NPHP1: variants seen among roughly 807,000 people sequenced by gnomAD.
The protein encoded by NPHP1 is nephrocystin 1, also known as nephrocystin-1.
In NPHP1, 70 loss-of-function variants were observed where a neutral mutation model predicts 90.4. The observed-to-expected ratio is 0.77, with a 90% CI of 0.64 to 0.95. NPHP1 has a LOEUF of 0.95. NPHP1 is among the 40% of genes least tolerant of loss of function. NPHP1 has a pLI of 0.00. For synonymous variants in NPHP1, 256 were observed against 271.7 expected (o/e 0.94, Z 0.57); for missense variants, 764 against 795.9 (o/e 0.96, Z 0.48).
rs764792393 is a variant in NPHP1, at chr2:110,168,475, G to A, written c.601C>T (p.Leu201Phe). The A allele has an allele frequency of 6.2e-7, 1 of 1,611,652 alleles. No homozygotes were observed. The highest frequency in any genetic ancestry group is 1.1e-5 in the South Asian group (1 of 91,006). Reference sequence around the variant, plus strand: ...ACCTCTAGGTAGGTTCTGGGAACAAGACCTTCATTTCCTTTGGCATCCTTA... The same window carrying A: ...ACCTCTAGGTAGGTTCTGGGAACAAAACCTTCATTTCCTTTGGCATCCTTA... ...IAKDAKGNEG[L>F]VPRTYLEPYS... The change falls in exon 6 of 20, where the codon CTT becomes TTT. Residue 201 changes from leucine to phenylalanine, a missense_variant. Physicochemically the swap from Leu to Phe is conservative, Grantham distance 22. Coordinates refer to ENST00000445609, the MANE Select transcript of NPHP1 (RefSeq NM_001128178.3).
chr2:110,183,547 T>C (rs546232632), intron 2 of NPHP1, among the ~76,000 whole-genome samples: 3 of 152,228 alleles, frequency 2.0e-5, no homozygotes, highest in Admixed American at 6.5e-5. Flanking sequence ...AGACCCCTGA[T>C]TTCCCACTCC....
chr2:110,150,224 T>G lies in NPHP1; in HGVS notation c.1116A>C (p.Thr372=). Residue 372 remains threonine (T), a synonymous_variant, in exon 12 of 20, where the codon ACA becomes ACC. Transcript: ENST00000445609. ...ATGTTTTGGGCTTTTTAGGTTGCCA[T>G]GTGGCTCTGACTGTATGAATGTTGC... The part of the protein sequence containing the change: ...VLSNIHTVRA[T]WQPKKPKTWT... 6.2e-7 allele frequency: 1 copy of G among 1,614,026 alleles called. No homozygotes were observed. The highest frequency in any genetic ancestry group is 8.5e-7 in the Non-Finnish European group (1 of 1,179,896).
intron 2 of NPHP1, among the ~76,000 whole-genome samples, chr2:110,188,160 G>C (rs1024351061): frequency 2.0e-5 from 3 of 152,098 alleles, no homozygotes; most frequent in African/African-American, 7.2e-5. Context: ...TGGAAGTTCT[G>C]GCCTGGGAAG....
intron 11 of NPHP1, among the ~76,000 whole-genome samples, chr2:110,154,549 A>T (rs980708219): frequency 7.9e-5 from 12 of 152,192 alleles, no homozygotes; most frequent in African/African-American, 2.9e-4. Context: ...CTTTTTGACA[A>T]AAATGCTGAT....
intron 16 of NPHP1, among the ~76,000 whole-genome samples, chr2:110,134,360 T>C (rs1680008222): frequency 6.6e-6 from 1 of 151,896 alleles, no homozygotes; most frequent in Non-Finnish European, 1.5e-5. Flanking sequence ...AATCTCCTGA[T>C]AAAGAAAAGC....
At chr2:110,126,767 GCTA>G (rs1023389500) in intron 18 of NPHP1, 6 of 152,678 alleles carry the variant, frequency 3.9e-5, no homozygotes, top group African/African-American at 1.4e-4. Flanking sequence ...TGTGGTTTTT[GCTA>G]CTACTTTTAT....
intron 16 of NPHP1, among the ~76,000 whole-genome samples, chr2:110,135,464 G>A (rs1165471480): frequency 2.7e-5 from 3 of 110,858 alleles, no homozygotes; most frequent in Non-Finnish European, 5.0e-5. Context: ...GAGACACAGC[G>A]AGACCCCGTC....
intron 4 of NPHP1, among the ~76,000 whole-genome samples, chr2:110,176,758 T>C (rs1307843403): frequency 6.6e-6 from 1 of 152,178 alleles, no homozygotes; most frequent in Non-Finnish European, 1.5e-5. Flanking sequence ...TGTCCTCTAC[T>C]AAATGCCTGA....
At chr2:110,191,522 G>C (rs891133316) in intron 2 of NPHP1, among the ~76,000 whole-genome samples, 1 of 152,144 alleles carries the variant, frequency 6.6e-6, no homozygotes, top group Non-Finnish European at 1.5e-5. Context: ...GCTCAAACTG[G>C]GTGGAGCCCA....
At chr2:110,196,851 G>C (rs1280941479) in intron 2 of NPHP1, among the ~76,000 whole-genome samples, 1 of 152,142 alleles carries the variant, frequency 6.6e-6, no homozygotes, top group Non-Finnish European at 1.5e-5. Context: ...CATGTCCTTT[G>C]AAGGGACATG....
chr2:110,198,193 A>G (rs1310126205), intron 2 of NPHP1, among the ~76,000 whole-genome samples: 1 of 152,146 alleles, frequency 6.6e-6, no homozygotes, highest in East Asian at 1.9e-4. Flanking sequence ...CACAAGCATA[A>G]GAGGGAGATA....
intron 2 of NPHP1, among the ~76,000 whole-genome samples, chr2:110,199,192 G>C (rs1685392529): frequency 6.6e-6 from 1 of 152,072 alleles, no homozygotes; most frequent in African/African-American, 2.4e-5. Flanking sequence ...CAGCACTTTG[G>C]GAGGCCATGA....
intron 6 of NPHP1, 138 bp downstream of exon 6, chr2:110,168,314 C>T (rs1287250330): frequency 1.4e-5 from 9 of 665,272 alleles, no homozygotes; most frequent in African/African-American, 5.5e-5. Flanking sequence ...TTTCCCAGGT[C>T]CTGTCCCTCC....
At chr2:110,170,742 G>A (rs762404438) in intron 4 of NPHP1, among the ~76,000 whole-genome samples, 17 of 152,130 alleles carry the variant, frequency 1.1e-4, no homozygotes, top group Non-Finnish European at 2.2e-4. Flanking sequence ...CCTAACCCAG[G>A]TTGCACGAAT....
rs765856771 is a variant in NPHP1 at position 110,163,040 on chromosome 2, C to A, written c.859+8G>T. Reference sequence around the variant, plus strand: ...GAAAGAGTGCAGTGGCTGATAGGCACGCATTACCTTCCTCCAGAAGCTGTG... The same window carrying A: ...GAAAGAGTGCAGTGGCTGATAGGCAAGCATTACCTTCCTCCAGAAGCTGTG... On this transcript the variant is annotated splice_region_variant and intron_variant, in intron 9 of 19. Transcript: ENST00000445609. 6.2e-7 allele frequency: 1 copy of A among 1,603,030 alleles called. No homozygotes were observed.
In NPHP1 at chr2:110,168,424, G is replaced by A. The variant is rs761797397; in HGVS notation, c.624+28C>T. 22 of 1,374,060 alleles carry A rather than the reference G, an allele frequency of 1.6e-5. No homozygotes were observed. In the East Asian group the frequency reaches 4.4e-4, roughly 27 times the overall value. 85.1% of individuals were successfully genotyped at this position (1,374,060 alleles called of 1,614,324 possible). ...AAAAGCGAAAAAAAAAAAAGTCTTAGAAAAGGAAGGCATAAACCAAGACTA... is the reference window on the plus strand; with the variant it reads ...AAAAGCGAAAAAAAAAAAAGTCTTAAAAAAGGAAGGCATAAACCAAGACTA... On this transcript the variant is annotated intron_variant, in intron 6 of 19. Transcript: ENST00000445609.
intron 5 of NPHP1, among the ~76,000 whole-genome samples, chr2:110,169,134 A>G (rs557508876): frequency 1.3e-5 from 2 of 152,230 alleles, no homozygotes; most frequent in East Asian, 3.9e-4. Flanking sequence ...ACTTAATTAA[A>G]ATATACATTA....
At chr2:110,178,377 G>T (rs1035443175) in intron 4 of NPHP1, 46 bp downstream of exon 4, 4 of 1,557,354 alleles carry the variant, frequency 2.6e-6, no homozygotes, top group Non-Finnish European at 3.5e-6. Context: ...AGCTATTGGT[G>T]ATATATCTTT....
chr2:110,198,927 G>C (rs918214209), intron 2 of NPHP1, among the ~76,000 whole-genome samples: 2 of 151,328 alleles, frequency 1.3e-5, no homozygotes, highest in African/African-American at 4.9e-5. Context: ...TAAAATTTAA[G>C]AATAACCAAA....
Sources: allele counts gnomAD v4.1 joint callset (sites outside exome capture counted in the v4.1 genomes callset), GRCh38; gene constraint gnomAD v4.1.1; transcripts MANE v1.5; gene names NCBI Gene and HGNC (gene_info 2026-07-23, HGNC 2026-07-21).